The following PHACTR3 variants were observed in gnomAD, a reference collection of about 807,000 sequenced individuals.
PHACTR3 encodes the protein phosphatase and actin regulator 3, also known as protein phosphatase 1, regulatory subunit 123.
In PHACTR3, 16 loss-of-function variants were observed where a neutral mutation model predicts 66.8. The observed-to-expected ratio is 0.24, with a 90% CI of 0.16 to 0.36. PHACTR3 has a LOEUF of 0.36. PHACTR3 is among the 10% of genes least tolerant of loss of function. The pLI is 1.00. For synonymous variants in PHACTR3, 323 were observed against 292.1 expected (o/e 1.11, Z -1.08); for missense variants, 647 against 719.9 (o/e 0.90, Z 1.16).
chr20:59,642,176 GA>G (rs1360688681), intron 1 of PHACTR3, among the ~76,000 whole-genome samples: 3 of 151,590 alleles, frequency 2.0e-5, no homozygotes, highest in East Asian at 3.9e-4. Context: ...GATTAGAGAG[GA>G]AAAAAAAGAC....
rs1489971077 is a variant in PHACTR3 at position 59,738,456 on chromosome 20, A to G, written c.119-4651A>G. Among the ~76,000 whole-genome samples the G allele has an allele frequency of 6.7e-6, 1 of 148,916 alleles. No homozygotes were observed. The highest frequency in any genetic ancestry group is 1.5e-5 in the Non-Finnish European group (1 of 67,330). On this transcript the variant is annotated intron_variant, in intron 1 of 12. Transcript: ENST00000371015. The surrounding 1 kb of genome is among the most constrained non-coding windows in gnomAD (Gnocchi z 4.4). ...TAGAGCTCTATTTCTAAGACATCGG[A>G]TCACAGGAAGACCAGTTGCTGGGGC... is the stretch of plus-strand genomic sequence containing the variant.
In PHACTR3 at chr20:59,721,486, C is replaced by T. The variant is rs45628041; in HGVS notation, c.119-21621C>T. ...TGGTGGGGGATGTGGCAGCACAAAGCAACTTTGTCCACTGATGTCGGGAAC... is the reference window on the plus strand; with the variant it reads ...TGGTGGGGGATGTGGCAGCACAAAGTAACTTTGTCCACTGATGTCGGGAAC... On this transcript the variant is annotated intron_variant, in intron 1 of 12. Coordinates refer to ENST00000371015, the MANE Select transcript of PHACTR3 (RefSeq NM_080672.5). The T allele has an allele frequency of 0.04, 6,129 of 152,530 alleles. 168 individuals carry two copies. Among genetic ancestry groups the T allele is most frequent in the African/African-American group, 0.077 (3,196 of 41,562 alleles). 9.4% of individuals were successfully genotyped at this position (152,530 alleles called of 1,614,324 possible).
At chr20:59,658,488 C>T (rs1369599679) in intron 1 of PHACTR3, among the ~76,000 whole-genome samples, 1 of 152,018 alleles carries the variant, frequency 6.6e-6, no homozygotes. Context: ...TGTTTTGTGA[C>T]AGGAATAGGC....
Position 59,767,142 on chromosome 20 carries a change from C to G in PHACTR3, c.542-44C>G, listed in dbSNP as rs1415877185. On this transcript the variant is annotated intron_variant, in intron 4 of 12. Coordinates refer to ENST00000371015, the MANE Select transcript of PHACTR3 (RefSeq NM_080672.5). ...TTTGCTCTCTTACTTCCACTGCTGTCAGAGGAAACATGTTTTTAACTCTCT... is the reference window on the plus strand; with the variant it reads ...TTTGCTCTCTTACTTCCACTGCTGTGAGAGGAAACATGTTTTTAACTCTCT... 2.5e-6 allele frequency: 4 copies of G among 1,601,594 alleles called. No individual in the cohort carries two copies. The South Asian group carries it at 4.4e-5, about 18-fold the overall frequency.
chr20:59,626,364 G>A (rs573988269), intron 1 of PHACTR3: 1 of 152,550 alleles, frequency 6.6e-6, no homozygotes, highest in Non-Finnish European at 1.5e-5. Context: ...ATAAAGTGAG[G>A]CTGGAGGAAT....
intron 7 of PHACTR3, among the ~76,000 whole-genome samples, chr20:59,786,773 GCT>G (rs1187902056): frequency 1.3e-5 from 2 of 151,998 alleles, no homozygotes; most frequent in Non-Finnish European, 2.9e-5. Context: ...TGTCCGTGGA[GCT>G]CTCTCTGTGC....
At chr20:59,811,250 T>G (rs1428553396) in intron 8 of PHACTR3, among the ~76,000 whole-genome samples, 4 of 152,218 alleles carry the variant, frequency 2.6e-5, no homozygotes, top group African/African-American at 9.7e-5. Context: ...CTTGTTTATC[T>G]TAGGCATGGC....
At chr20:59,634,154 A>G (rs1451970127) in intron 1 of PHACTR3, among the ~76,000 whole-genome samples, 2 of 152,216 alleles carry the variant, frequency 1.3e-5, no homozygotes, top group African/African-American at 4.8e-5. Context: ...AAGGGTTTGT[A>G]ACATAAGGCA....
chr20:59,648,971 G>A (rs1474057431), intron 1 of PHACTR3, among the ~76,000 whole-genome samples: 1 of 152,190 alleles, frequency 6.6e-6, no homozygotes, highest in Non-Finnish European at 1.5e-5. Context: ...TACATGATGA[G>A]GCTGGGAATA....
chr20:59,840,552 C>T, intron 10 of PHACTR3, 122 bp downstream of exon 10: 3 of 1,380,576 alleles, frequency 2.2e-6, no homozygotes, highest in African/African-American at 1.5e-5. Flanking sequence ...TTCTCCTGGA[C>T]ATCATGGCAT....
At chr20:59,677,024 A>C (rs1219233604) in intron 1 of PHACTR3, among the ~76,000 whole-genome samples, 1 of 152,010 alleles carries the variant, frequency 6.6e-6, no homozygotes, top group Non-Finnish European at 1.5e-5. Context: ...GGTTTCTGGC[A>C]CAGAGTCCAG....
At chr20:59,784,901 A>G (rs552122011) in intron 7 of PHACTR3, among the ~76,000 whole-genome samples, 11 of 152,086 alleles carry the variant, frequency 7.2e-5, no homozygotes, top group Non-Finnish European at 1.2e-4. Context: ...TCTTGCTGCC[A>G]CTGGTGGGAA....
intron 2 of PHACTR3, among the ~76,000 whole-genome samples, chr20:59,744,798 C>A (rs529007008): frequency 6.6e-6 from 1 of 152,336 alleles, no homozygotes; most frequent in South Asian, 2.1e-4. Context: ...CAGGAGGGGC[C>A]CAGGCCCTGC....
At chr20:59,731,416 G>T (rs2038756758) in intron 1 of PHACTR3, among the ~76,000 whole-genome samples, 1 of 152,146 alleles carries the variant, frequency 6.6e-6, no homozygotes, top group Non-Finnish European at 1.5e-5. Context: ...TCATCACAAT[G>T]ATGACAACAA....
intron 1 of PHACTR3, among the ~76,000 whole-genome samples, chr20:59,631,175 C>G (rs1199901412): frequency 6.6e-6 from 1 of 152,216 alleles, no homozygotes; most frequent in Non-Finnish European, 1.5e-5. Context: ...AGATGCCCAT[C>G]TTAGGGGCCC....
intron 1 of PHACTR3, among the ~76,000 whole-genome samples, chr20:59,668,770 C>T (rs370665874): frequency 9.2e-5 from 14 of 152,126 alleles, no homozygotes; most frequent in African/African-American, 1.4e-4. Flanking sequence ...GGCATGATCT[C>T]GGCTCACTGC....
intron 1 of PHACTR3, among the ~76,000 whole-genome samples, chr20:59,680,818 C>T (rs1196307333): frequency 6.6e-6 from 1 of 152,186 alleles, no homozygotes; most frequent in Non-Finnish European, 1.5e-5. Context: ...CTGTACAGCC[C>T]GTGTTCCACA....
chr20:59,666,534 C>T (rs1241792319), intron 1 of PHACTR3, among the ~76,000 whole-genome samples: 2 of 143,296 alleles, frequency 1.4e-5, no homozygotes, highest in Non-Finnish European at 3.0e-5. Flanking sequence ...GAGACAGAGA[C>T]AGAGGTAGAG....
At chr20:59,831,896 C>G (rs972397288) in intron 8 of PHACTR3, among the ~76,000 whole-genome samples, 1 of 152,234 alleles carries the variant, frequency 6.6e-6, no homozygotes, top group Non-Finnish European at 1.5e-5. Flanking sequence ...ACTCGTTCAA[C>G]CTGACTGCCC....
Sources: allele counts gnomAD v4.1 joint callset (sites outside exome capture counted in the v4.1 genomes callset), GRCh38; gene constraint gnomAD v4.1.1; non-coding constraint Gnocchi (gnomAD v3.1); transcripts MANE v1.5; gene names NCBI Gene and HGNC (gene_info 2026-07-23, HGNC 2026-07-21).